The following PDE8B variants were observed in gnomAD, a reference collection of about 807,000 sequenced individuals.
The protein encoded by PDE8B is high affinity cAMP-specific and IBMX-insensitive 3',5'-cyclic phosphodiesterase 8B.
A neutral mutation model predicts 101.3 loss-of-function variants in PDE8B; 26 were observed. The ratio of observed to expected loss-of-function variants is 0.26; its 90% CI spans 0.19 to 0.36. The LOEUF is 0.36. Among genes scored for constraint, PDE8B ranks in the 10% least tolerant of loss-of-function variants. The probability of loss-of-function intolerance (pLI) is 1.00; values close to 1 mark genes in which losing one functional copy is unlikely to be tolerated. For missense variants in PDE8B, 810 were observed against 1,163.1 expected (o/e 0.70, Z 4.42); for synonymous variants, 424 against 429.3 (o/e 0.99, Z 0.15).
chr5:77,382,139 TAGA>T (rs895148675), intron 10 of PDE8B, among the ~76,000 whole-genome samples: 6 of 152,232 alleles, frequency 3.9e-5, no homozygotes, highest in Admixed American at 3.9e-4. Context: ...CATATAGAGT[TAGA>T]AGGACTGTAA....
intron 1 of PDE8B, among the ~76,000 whole-genome samples, chr5:77,283,649 CT>C (rs748702886): frequency 3.3e-5 from 5 of 152,158 alleles, no homozygotes; most frequent in Non-Finnish European, 5.9e-5. Flanking sequence ...TCCTCCATGT[CT>C]TTTCATGGGT....
At chr5:77,274,457 T>C (rs1763432868) in intron 1 of PDE8B, among the ~76,000 whole-genome samples, 1 of 152,206 alleles carries the variant, frequency 6.6e-6, no homozygotes, top group Admixed American at 6.5e-5. Flanking sequence ...ATTCATTCAT[T>C]CCACAAGTAG....
At chr5:77,182,645 A>G in the PDE8B span, among the ~76,000 whole-genome samples, 25 of 152,118 alleles carry the variant, frequency 1.6e-4, no homozygotes, top group Admixed American at 7.9e-4. Flanking sequence ...GTTAATGTCA[A>G]CTTCTCAGAA....
chr5:77,381,465 C>T (rs1787441233), intron 10 of PDE8B, among the ~76,000 whole-genome samples: 2 of 152,150 alleles, frequency 1.3e-5, no homozygotes, highest in Non-Finnish European at 2.9e-5. Context: ...GACATTTCTA[C>T]CAAATGCTGT....
At chr5:77,159,486 GT>G in the PDE8B span, among the ~76,000 whole-genome samples, 1 of 152,146 alleles carries the variant, frequency 6.6e-6, no homozygotes, top group Admixed American at 6.5e-5. Context: ...AAGTTCTTCA[GT>G]TTTGGGACTC....
chr5:77,287,642 T>C lies in PDE8B; in HGVS notation c.340-24352T>C, dbSNP rs140457294. The stretch of plus-strand genomic sequence containing the variant: ...GATGCCTCTCACATTCTTCTTATAT[T>C]TGCCATCCTTTTGTCTCCCTGCACC... On this transcript the variant is annotated intron_variant, in intron 1 of 21. Coordinates refer to ENST00000264917, the MANE Select transcript of PDE8B (RefSeq NM_003719.5). Among the ~76,000 whole-genome samples the C allele has an allele frequency of 1.2e-3, 188 of 152,292 alleles. 1 individual carries two copies. The highest frequency in any genetic ancestry group is 6.3e-3 in the Admixed American group (96 of 15,308).
At chr5:77,414,943 T>C (rs918444015) in intron 17 of PDE8B, among the ~76,000 whole-genome samples, 3 of 152,220 alleles carry the variant, frequency 2.0e-5, no homozygotes, top group African/African-American at 7.2e-5. Context: ...CTTGATCATA[T>C]CTTACTATCC....
intron 7 of PDE8B, among the ~76,000 whole-genome samples, chr5:77,347,283 G>T (rs1310776044): frequency 6.6e-6 from 1 of 152,176 alleles, no homozygotes; most frequent in African/African-American, 2.4e-5. Context: ...TGAGGACCAG[G>T]GAAGTTAAGT....
the PDE8B span, among the ~76,000 whole-genome samples, chr5:77,138,082 G>T: frequency 6.6e-6 from 1 of 152,198 alleles, no homozygotes; most frequent in East Asian, 1.9e-4. Flanking sequence ...GACTTCCCAT[G>T]ATAATAGTGA....
At chr5:77,282,992 C>T (rs1407556580) in intron 1 of PDE8B, among the ~76,000 whole-genome samples, 2 of 152,008 alleles carry the variant, frequency 1.3e-5, no homozygotes, top group African/African-American at 2.4e-5. Flanking sequence ...CCAACCTGGG[C>T]CTGCAGCCAG....
intron 3 of PDE8B, among the ~76,000 whole-genome samples, chr5:77,328,448 A>G (rs1380059431): frequency 2.0e-5 from 3 of 152,246 alleles, no homozygotes; most frequent in Non-Finnish European, 4.4e-5. Flanking sequence ...CAAGTTGTTT[A>G]AAGTATTTAA....
intron 5 of PDE8B, 163 bp downstream of exon 5, chr5:77,331,622 A>C (rs1033774867): frequency 1.4e-6 from 1 of 706,842 alleles, no homozygotes; most frequent in African/African-American, 1.7e-5. Flanking sequence ...AGTAACGAGC[A>C]GCTGCCAGTC....
At chr5:77,105,817 G>A in the PDE8B span, 1 of 152,158 alleles carries the variant, frequency 6.6e-6, no homozygotes, top group Non-Finnish European at 1.5e-5. Context: ...ACTTAGTATT[G>A]CCTGTCTCTT....
chr5:77,420,521 G>T (rs1192559624), intron 19 of PDE8B, among the ~76,000 whole-genome samples: 2 of 152,002 alleles, frequency 1.3e-5, no homozygotes, highest in African/African-American at 2.4e-5. Flanking sequence ...AAAGCTTTCC[G>T]CTCATTCCTG....
At chr5:77,141,001 G>T in the PDE8B span, 1 of 151,980 alleles carries the variant, frequency 6.6e-6, no homozygotes, top group Non-Finnish European at 1.5e-5. Context: ...AATTTTCTCT[G>T]TGTTTCCCTG....
intron 10 of PDE8B, among the ~76,000 whole-genome samples, chr5:77,375,360 A>G (rs1785859256): frequency 6.6e-6 from 1 of 152,224 alleles, no homozygotes; most frequent in Non-Finnish European, 1.5e-5. Flanking sequence ...CAGCTGGGCC[A>G]GTCTAAACTG....
chr5:77,173,645 C>A, the PDE8B span, among the ~76,000 whole-genome samples: 1 of 151,886 alleles, frequency 6.6e-6, no homozygotes, highest in Non-Finnish European at 1.5e-5. Flanking sequence ...AATGTGAAGC[C>A]TACTAGAGTT....
At chr5:77,318,377 A>G (rs921935472) in intron 2 of PDE8B, among the ~76,000 whole-genome samples, 4 of 152,174 alleles carry the variant, frequency 2.6e-5, no homozygotes, top group African/African-American at 9.7e-5. Flanking sequence ...TATTATAGGT[A>G]AAAATATTTA....
At chr5:77,224,719 G>C (rs1393547192) in intron 1 of PDE8B, among the ~76,000 whole-genome samples, 3 of 152,066 alleles carry the variant, frequency 2.0e-5, no homozygotes, top group African/African-American at 7.2e-5. Flanking sequence ...ATAAGATCTA[G>C]CTATTGCAAT....
Sources: gnomAD v4.1 joint callset for allele counts (sites outside exome capture counted in the v4.1 genomes callset) on GRCh38, gnomAD v4.1.1 for gene constraint, MANE v1.5 for transcripts, NCBI Gene and HGNC (gene_info 2026-07-23, HGNC 2026-07-21) for gene names.